The following SCHIP1 variants were observed in gnomAD, a reference collection of about 807,000 sequenced individuals.
SCHIP1 encodes schwannomin-interacting protein 1.
Under a neutral mutation model 29.7 loss-of-function variants are expected in SCHIP1, and 8 were observed. That is an observed-to-expected ratio of 0.27 (90% CI 0.16 to 0.49). The LOEUF (loss-of-function observed/expected upper bound fraction) is 0.49. Among genes scored for constraint, SCHIP1 ranks in the 20% least tolerant of loss-of-function variants. SCHIP1 has a pLI of 0.99. For missense variants in SCHIP1, 193 were observed against 294.6 expected (o/e 0.66, Z 2.52); for synonymous variants, 76 against 94.9 (o/e 0.80, Z 1.16).
the SCHIP1 span, among the ~76,000 whole-genome samples, chr3:159,592,616 C>A: frequency 5.3e-5 from 8 of 151,952 alleles, no homozygotes; most frequent in African/African-American, 1.9e-4. Flanking sequence ...AGTTGGAGGA[C>A]TCCTTCACAT....
the SCHIP1 span, among the ~76,000 whole-genome samples, chr3:159,423,435 C>G: frequency 1.3e-5 from 2 of 152,214 alleles, no homozygotes; most frequent in Non-Finnish European, 2.9e-5. Context: ...GGTCCTATGC[C>G]CACGGAGTCT....
chr3:159,781,987 G>A, the SCHIP1 span, among the ~76,000 whole-genome samples: 4 of 152,236 alleles, frequency 2.6e-5, no homozygotes, highest in African/African-American at 9.6e-5. Flanking sequence ...TAGGACTGTG[G>A]TTCTCTGAGG....
intron 6 of SCHIP1, chr3:159,893,375 G>T (rs1012593242): frequency 6.6e-6 from 1 of 151,970 alleles, no homozygotes; most frequent in African/African-American, 2.4e-5. Flanking sequence ...TAATATTATT[G>T]CCATCTAAAG....
the SCHIP1 span, among the ~76,000 whole-genome samples, chr3:159,576,502 T>C: frequency 6.6e-6 from 1 of 152,242 alleles, no homozygotes; most frequent in Non-Finnish European, 1.5e-5. Flanking sequence ...GTGCTTGGGA[T>C]TTGTTGTGCT....
chr3:159,583,984 AT>A, the SCHIP1 span, among the ~76,000 whole-genome samples: 1 of 152,124 alleles, frequency 6.6e-6, no homozygotes, highest in African/African-American at 2.4e-5. Context: ...CTCCAATCTA[AT>A]TTGCAAAACC....
the SCHIP1 span, among the ~76,000 whole-genome samples, chr3:159,618,281 T>C: frequency 6.6e-6 from 1 of 152,176 alleles, no homozygotes; most frequent in East Asian, 1.9e-4. Flanking sequence ...TTCAGTTCCA[T>C]GTTATCACTC....
the SCHIP1 span, among the ~76,000 whole-genome samples, chr3:159,801,108 G>A: frequency 2.6e-5 from 4 of 151,780 alleles, no homozygotes; most frequent in Non-Finnish European, 4.4e-5. Context: ...GGGTCCTTTA[G>A]TCTCTCATTA....
chr3:159,399,276 C>CT, the SCHIP1 span, among the ~76,000 whole-genome samples: 4 of 152,122 alleles, frequency 2.6e-5, no homozygotes, highest in Non-Finnish European at 5.9e-5. Context: ...TATTACTGAT[C>CT]TTTTTTAGCT....
At chr3:159,741,218 A>G in the SCHIP1 span, among the ~76,000 whole-genome samples, 1 of 152,238 alleles carries the variant, frequency 6.6e-6, no homozygotes, top group Non-Finnish European at 1.5e-5. Context: ...AATGAGCCCA[A>G]GCTAATTCAA....
chr3:159,776,332 CTTTTTTTTTTTTT>C, the SCHIP1 span, among the ~76,000 whole-genome samples: 1 of 135,424 alleles, frequency 7.4e-6, no homozygotes, highest in Non-Finnish European at 1.6e-5. Context: ...AGTGTTCTGT[CTTTTTTTTTTTTT>C]TTTTTTTTTG....
At chr3:159,472,471 C>A in the SCHIP1 span, among the ~76,000 whole-genome samples, 1 of 152,294 alleles carries the variant, frequency 6.6e-6, no homozygotes, top group East Asian at 1.9e-4. Context: ...TTACATGCAG[C>A]AGCCTTTTAC....
chr3:159,372,427 T>A, the SCHIP1 span, among the ~76,000 whole-genome samples: 1 of 152,166 alleles, frequency 6.6e-6, no homozygotes, highest in Non-Finnish European at 1.5e-5. Context: ...TTTAAATAAT[T>A]TTGATTTAAT....
the SCHIP1 span, among the ~76,000 whole-genome samples, chr3:159,616,461 T>TC: frequency 2.6e-5 from 4 of 152,194 alleles, no homozygotes; most frequent in African/African-American, 9.6e-5. Context: ...GAGGACCTAT[T>TC]CCTCTTCTGA....
chr3:159,824,647 C>T, the SCHIP1 span, among the ~76,000 whole-genome samples: 1 of 152,182 alleles, frequency 6.6e-6, no homozygotes, highest in African/African-American at 2.4e-5. Context: ...GCCTGGAGTA[C>T]TGAAACTTTA....
the SCHIP1 span, among the ~76,000 whole-genome samples, chr3:159,415,944 CT>C: frequency 1.3e-5 from 2 of 152,142 alleles, no homozygotes; most frequent in Admixed American, 6.6e-5. Context: ...CGAAGATCTA[CT>C]TTTGTTTTGC....
At chr3:159,683,717 A>C in the SCHIP1 span, among the ~76,000 whole-genome samples, 1 of 152,262 alleles carries the variant, frequency 6.6e-6, no homozygotes, top group South Asian at 2.1e-4. Flanking sequence ...CAGGGCTACT[A>C]TTGTGGGAGA....
chr3:159,505,846 C>T, the SCHIP1 span, among the ~76,000 whole-genome samples: 4 of 152,184 alleles, frequency 2.6e-5, no homozygotes, highest in South Asian at 8.3e-4. Context: ...GTATATGTGT[C>T]ACATTTTCTT....
chr3:159,648,629 C>T, the SCHIP1 span, among the ~76,000 whole-genome samples: 3 of 152,244 alleles, frequency 2.0e-5, no homozygotes, highest in East Asian at 5.8e-4. Flanking sequence ...CATTTGCACA[C>T]ACACCCCCAA....
chr3:159,419,359 A>G, the SCHIP1 span, among the ~76,000 whole-genome samples: 1 of 152,148 alleles, frequency 6.6e-6, no homozygotes, highest in Non-Finnish European at 1.5e-5. Flanking sequence ...GGTACTTCTT[A>G]GTACTTTTAT....
Sources: allele counts gnomAD v4.1 joint callset (sites outside exome capture counted in the v4.1 genomes callset), GRCh38; gene constraint gnomAD v4.1.1; transcripts MANE v1.5; gene names NCBI Gene and HGNC (gene_info 2026-07-23, HGNC 2026-07-21).